The following PDE3A variants were observed in gnomAD, a reference collection of about 807,000 sequenced individuals.
PDE3A encodes cGMP-inhibited 3',5'-cyclic phosphodiesterase 3A.
PDE3A carries 43 observed loss-of-function variants against 98.3 expected under a neutral mutation model. The observed-to-expected ratio is 0.44, with a 90% CI of 0.34 to 0.56. The LOEUF is 0.56. Among genes scored for constraint, PDE3A ranks in the 20% least tolerant of loss-of-function variants. PDE3A has a pLI of 0.01. For synonymous variants in PDE3A, 663 were observed against 567.9 expected, an observed-to-expected ratio of 1.17 and a Z score of -2.38; for missense variants, 1,427 against 1,440.7, an observed-to-expected ratio of 0.99 and a Z score of 0.15.
intron 1 of PDE3A, among the ~76,000 whole-genome samples, chr12:20,512,313 G>A (rs1946242196): frequency 6.6e-6 from 1 of 151,970 alleles, no homozygotes; most frequent in African/African-American, 2.4e-5. Context: ...TCTGTAAAAA[G>A]CCATCCTAAA....
At chr12:20,375,230 T>A (rs1037493357) in intron 1 of PDE3A, among the ~76,000 whole-genome samples, 12 of 152,042 alleles carry the variant, frequency 7.9e-5, no homozygotes, top group Admixed American at 6.6e-4. Context: ...CCTAAAGATG[T>A]GTTCCATTAA....
At chr12:20,609,746 G>A (rs190913237) in intron 2 of PDE3A, among the ~76,000 whole-genome samples, 69 of 152,084 alleles carry the variant, frequency 4.5e-4, no homozygotes, top group African/African-American at 1.5e-3. Context: ...GTAAATTCAA[G>A]CATACATGTT....
chr12:20,410,188 T>C (rs1191087410), intron 1 of PDE3A, among the ~76,000 whole-genome samples: 1 of 152,174 alleles, frequency 6.6e-6, no homozygotes, highest in Non-Finnish European at 1.5e-5. Context: ...AATCTTATTG[T>C]GGTATTGGGC....
intron 1 of PDE3A, among the ~76,000 whole-genome samples, chr12:20,411,836 G>A (rs990886381): frequency 4.6e-5 from 7 of 152,034 alleles, no homozygotes; most frequent in African/African-American, 7.2e-5. Flanking sequence ...TGTAATTTCC[G>A]AGACCTTTAC....
intron 2 of PDE3A, among the ~76,000 whole-genome samples, chr12:20,586,138 A>G (rs1331712739): frequency 6.6e-6 from 1 of 152,178 alleles, no homozygotes. Flanking sequence ...TGTAAAGGGA[A>G]CATGTTCCAA....
chr12:20,469,511 T>G (rs1945400029), intron 1 of PDE3A, among the ~76,000 whole-genome samples: 1 of 152,212 alleles, frequency 6.6e-6, no homozygotes, highest in South Asian at 2.1e-4. Context: ...CAGAGTTACT[T>G]TCCTAAAATA....
At chr12:20,497,552 G>A (rs1420018774) in intron 1 of PDE3A, among the ~76,000 whole-genome samples, 1 of 149,960 alleles carries the variant, frequency 6.7e-6, no homozygotes, top group African/African-American at 2.4e-5. Flanking sequence ...AGGATCATGA[G>A]AAAACATAAT....
At chr12:20,510,553 T>C (rs527466739) in intron 1 of PDE3A, among the ~76,000 whole-genome samples, 68 of 152,052 alleles carry the variant, frequency 4.5e-4, no homozygotes, top group African/African-American at 1.6e-3. Context: ...TGTGGACAAA[T>C]TGAGGGCTGA....
chr12:20,508,813 C>CA (rs11372750), intron 1 of PDE3A, among the ~76,000 whole-genome samples: 145,321 of 146,304 alleles, frequency 0.99, 72,176 homozygotes, highest in East Asian at 1. Context: ...TAGTTGATAC[C>CA]AAAAAAAAAA....
intron 9 of PDE3A, among the ~76,000 whole-genome samples, chr12:20,639,172 T>C (rs2121513591): frequency 6.6e-6 from 1 of 152,244 alleles, no homozygotes. Flanking sequence ...CCCTTGAAGT[T>C]CTGTGAGCTG....
rs112467638 is a variant in PDE3A, at chr12:20,446,533, A to G, written c.960+76289A>G. ...TAGTGGGGACAGCGTTCTTGTTACC[A>G]CTGGAGTTTGTGTCCTGGATGCCAG... On this transcript the variant is annotated intron_variant, in intron 1 of 15. Transcript: ENST00000359062. 7.7e-3 allele frequency among the ~76,000 whole-genome samples: 1,171 copies of G among 152,244 alleles called. 16 individuals carry two copies. The highest frequency in any genetic ancestry group is 0.027 in the African/African-American group (1,122 of 41,544).
chr12:20,409,410 A>G (rs574872672), intron 1 of PDE3A, among the ~76,000 whole-genome samples: 1 of 152,270 alleles, frequency 6.6e-6, no homozygotes, highest in South Asian at 2.1e-4. Context: ...TCTTATTTAA[A>G]GATGAACTAA....
intron 1 of PDE3A, among the ~76,000 whole-genome samples, chr12:20,431,863 G>A (rs114892142): frequency 2.8e-4 from 42 of 152,288 alleles, no homozygotes; most frequent in African/African-American, 9.9e-4. Flanking sequence ...AACACATTTT[G>A]CAGTTGTTGT....
rs73232403 is a variant in PDE3A at position 20,375,640 on chromosome 12, G to T, written c.960+5396G>T. On this transcript the variant is annotated intron_variant, in intron 1 of 15. Coordinates refer to ENST00000359062, the MANE Select transcript of PDE3A (RefSeq NM_000921.5). The stretch of plus-strand genomic sequence containing the variant: ...GGCCTTTGATCAATCAACCTACCAG[G>T]TCTCAAATCAACACATTTTATCTGT... 3.4e-3 allele frequency among the ~76,000 whole-genome samples: 514 copies of T among 151,894 alleles called. 2 individuals are homozygous for T. Among genetic ancestry groups the T allele is most frequent in the African/African-American group, 0.012 (485 of 41,472 alleles).
At chr12:20,435,550 G>A (rs1460010092) in intron 1 of PDE3A, among the ~76,000 whole-genome samples, 3 of 152,108 alleles carry the variant, frequency 2.0e-5, no homozygotes, top group Admixed American at 1.3e-4. Context: ...GATAGGAAAA[G>A]TACTATTATT....
intron 2 of PDE3A, among the ~76,000 whole-genome samples, chr12:20,584,322 C>T (rs1943140532): frequency 6.6e-6 from 1 of 152,120 alleles, no homozygotes; most frequent in African/African-American, 2.4e-5. Flanking sequence ...TAGCCCAGGG[C>T]ATTCCAACAA....
chr12:20,433,373 T>C (rs1238014369), intron 1 of PDE3A, among the ~76,000 whole-genome samples: 6 of 152,126 alleles, frequency 3.9e-5, no homozygotes, highest in African/African-American at 1.4e-4. Flanking sequence ...TGAGAATACA[T>C]TATGATGTAG....
intron 1 of PDE3A, among the ~76,000 whole-genome samples, chr12:20,473,631 TG>T (rs1258834235): frequency 6.6e-6 from 1 of 152,172 alleles, no homozygotes; most frequent in African/African-American, 2.4e-5. Context: ...ACAGTTAACC[TG>T]TAGCATGAGT....
intron 2 of PDE3A, among the ~76,000 whole-genome samples, chr12:20,607,413 G>A (rs1239800733): frequency 1.3e-5 from 2 of 149,922 alleles, no homozygotes; most frequent in Non-Finnish European, 3.0e-5. Flanking sequence ...CTTCAGCCTG[G>A]GTGACAGAGT....
Sources: gnomAD v4.1 joint callset for allele counts (sites outside exome capture counted in the v4.1 genomes callset) on GRCh38, gnomAD v4.1.1 for gene constraint, MANE v1.5 for transcripts, NCBI Gene and HGNC (gene_info 2026-07-23, HGNC 2026-07-21) for gene names.